Variants in GMDS observed in about 807,000 individuals in gnomAD.
GMDS encodes GDP-mannose 4,6 dehydratase.
Under a neutral mutation model 49.9 loss-of-function variants are expected in GMDS, and 20 were observed. The ratio of observed to expected loss-of-function variants is 0.40; its 90% CI spans 0.28 to 0.58. The LOEUF is 0.58. GMDS is among the 20% of genes least tolerant of loss of function. The pLI is 0.42. For missense variants in GMDS, 362 were observed against 481.4 expected (o/e 0.75, Z 2.32); for synonymous variants, 177 against 178.6 (o/e 0.99, Z 0.07).
chr6:1,725,464 T>C (rs1766548158), intron 9 of GMDS, among the ~76,000 whole-genome samples: 1 of 152,006 alleles, frequency 6.6e-6, no homozygotes, highest in Non-Finnish European at 1.5e-5. Flanking sequence ...GGAGTTTCAC[T>C]CTTGTTGCCT....
intron 1 of GMDS, among the ~76,000 whole-genome samples, chr6:2,154,302 A>T (rs1255422587): frequency 6.6e-6 from 1 of 152,178 alleles, no homozygotes; most frequent in African/African-American, 2.4e-5. Flanking sequence ...GTGAATACAT[A>T]CAACAACCCT....
chr6:1,734,340 C>T (rs747846348), intron 8 of GMDS, among the ~76,000 whole-genome samples: 1 of 152,222 alleles, frequency 6.6e-6, no homozygotes, highest in Non-Finnish European at 1.5e-5. Flanking sequence ...TTAAGATTAA[C>T]GCCTACATCT....
Position 1,914,454 on chromosome 6 carries a change from AAG to A in GMDS, c.771+15647_771+15648del, listed in dbSNP as rs747513427. Among the ~76,000 whole-genome samples, 17 of 150,388 alleles carry A rather than the reference AAG, an allele frequency of 1.1e-4. No homozygotes were observed. The East Asian group carries it at 3.3e-3, about 29-fold the overall frequency. ...TGCACTCCAGCCTGGGCAACAGAGC[AAG>A]ACTCTGTCTCAAAAAAAAAAAAAAG... On this transcript the variant is annotated intron_variant, in intron 7 of 10. Coordinates refer to ENST00000380815, the MANE Select transcript of GMDS (RefSeq NM_001500.4).
intron 8 of GMDS, among the ~76,000 whole-genome samples, chr6:1,728,468 T>C (rs1334747492): frequency 6.6e-6 from 1 of 152,250 alleles, no homozygotes; most frequent in African/African-American, 2.4e-5. Flanking sequence ...TTCTGCTGAC[T>C]GATTTTTCGC....
At chr6:2,182,255 G>A (rs1027646250) in intron 1 of GMDS, among the ~76,000 whole-genome samples, 5 of 152,238 alleles carry the variant, frequency 3.3e-5, no homozygotes, top group African/African-American at 1.2e-4. Context: ...AGCACAGGTT[G>A]GTTCATGGGG....
intron 4 of GMDS, among the ~76,000 whole-genome samples, chr6:1,987,786 T>C (rs1169958118): frequency 6.6e-6 from 1 of 152,254 alleles, no homozygotes; most frequent in Non-Finnish European, 1.5e-5. Flanking sequence ...TACTTCATAG[T>C]AATTTAAGTT....
chr6:1,651,220 C>T (rs1410519270), intron 9 of GMDS, among the ~76,000 whole-genome samples: 1 of 152,190 alleles, frequency 6.6e-6, no homozygotes, highest in Non-Finnish European at 1.5e-5. Flanking sequence ...AGCATGCACC[C>T]CTTCTCACTG....
At chr6:1,807,795 T>C (rs975359955) in intron 7 of GMDS, among the ~76,000 whole-genome samples, 2 of 152,122 alleles carry the variant, frequency 1.3e-5, no homozygotes, top group African/African-American at 2.4e-5. Flanking sequence ...ACTATGGAGC[T>C]TCTCAAAGAA....
rs543021476 is a variant in GMDS at position 1,947,965 on chromosome 6, C to T, written c.643+11902G>A. 5.9e-5 allele frequency among the ~76,000 whole-genome samples: 9 copies of T among 152,168 alleles called. No homozygotes were observed. In the South Asian group the frequency reaches 8.3e-4, roughly 14 times the overall value. On this transcript the variant is annotated intron_variant, in intron 6 of 10. Coordinates refer to ENST00000380815, the MANE Select transcript of GMDS (RefSeq NM_001500.4). ...CCTTCTGTTTATTAATTTTAAGTTG[C>T]GAGGTGGCACAAACTGAGCTTACTT...
chr6:1,938,546 C>G (rs1022130918), intron 6 of GMDS, among the ~76,000 whole-genome samples: 10 of 152,282 alleles, frequency 6.6e-5, no homozygotes, highest in African/African-American at 1.7e-4. Flanking sequence ...GTCTAATTGT[C>G]ATTCCTTTGT....
intron 4 of GMDS, among the ~76,000 whole-genome samples, chr6:1,978,172 C>G (rs1033815240): frequency 1.3e-5 from 2 of 151,996 alleles, no homozygotes; most frequent in Non-Finnish European, 2.9e-5. Flanking sequence ...CCAAAGGGTC[C>G]CAACGAGGAA....
At chr6:2,209,370 G>C (rs1183901007) in intron 1 of GMDS, among the ~76,000 whole-genome samples, 2 of 152,194 alleles carry the variant, frequency 1.3e-5, no homozygotes, top group African/African-American at 4.8e-5. Context: ...GTTTTAAGCA[G>C]CCTCAGCTCA....
intron 4 of GMDS, among the ~76,000 whole-genome samples, chr6:1,991,722 C>A (rs560595552): frequency 6.6e-6 from 1 of 152,098 alleles, no homozygotes; most frequent in Non-Finnish European, 1.5e-5. Flanking sequence ...GAACAGTGTC[C>A]CCCCAGAAAA....
intron 6 of GMDS, among the ~76,000 whole-genome samples, chr6:1,933,255 A>G (rs568689776): frequency 7.9e-5 from 12 of 152,300 alleles, no homozygotes; most frequent in African/African-American, 2.6e-4. Context: ...TTATATGTAT[A>G]TACCAAATTT....
At chr6:2,238,138 A>G (rs1781452023) in intron 1 of GMDS, among the ~76,000 whole-genome samples, 1 of 151,678 alleles carries the variant, frequency 6.6e-6, no homozygotes, top group Admixed American at 6.6e-5. Flanking sequence ...CTGTATTATC[A>G]GCACTTGGGA....
chr6:1,762,175 T>C (rs1768186453), intron 7 of GMDS, among the ~76,000 whole-genome samples: 1 of 152,248 alleles, frequency 6.6e-6, no homozygotes, highest in African/African-American at 2.4e-5. Context: ...CTGCATTTAT[T>C]AAGAAAAATA....
At chr6:1,982,005 A>G (rs564621815) in intron 4 of GMDS, among the ~76,000 whole-genome samples, 34 of 152,302 alleles carry the variant, frequency 2.2e-4, no homozygotes, top group South Asian at 2.1e-4. Flanking sequence ...TAAACTAGGT[A>G]TTAACAGAAA....
intron 1 of GMDS, among the ~76,000 whole-genome samples, chr6:2,143,549 A>C (rs970382140): frequency 1.3e-5 from 2 of 152,282 alleles, no homozygotes; most frequent in East Asian, 3.9e-4. Context: ...TTTTTTTTAA[A>C]AGCAGAAATC....
intron 4 of GMDS, among the ~76,000 whole-genome samples, chr6:1,982,246 C>G (rs1365222469): frequency 6.6e-6 from 1 of 151,824 alleles, no homozygotes; most frequent in Non-Finnish European, 1.5e-5. Flanking sequence ...GCAGAGGTTG[C>G]AGTGAATATG....
Sources: allele counts gnomAD v4.1 joint callset (sites outside exome capture counted in the v4.1 genomes callset), GRCh38; gene constraint gnomAD v4.1.1; transcripts MANE v1.5; gene names NCBI Gene and HGNC (gene_info 2026-07-23, HGNC 2026-07-21).